The following NDST3 variants were observed in gnomAD, a reference collection of about 807,000 sequenced individuals.
The protein encoded by NDST3 is N-deacetylase and N-sulfotransferase 3.
Under a neutral mutation model 96.1 loss-of-function variants are expected in NDST3, and 58 were observed. That is an observed-to-expected ratio of 0.60 (90% CI 0.49 to 0.75). NDST3 has a LOEUF of 0.75. NDST3 is among the 30% of genes least tolerant of loss of function. The pLI is 0.00. For missense variants in NDST3, 788 were observed against 1,034.2 expected (o/e 0.76, Z 3.27); for synonymous variants, 333 against 359.7 (o/e 0.93, Z 0.84).
intron 6 of NDST3, among the ~76,000 whole-genome samples, chr4:118,160,819 C>T (rs1426986082): frequency 2.0e-5 from 3 of 152,070 alleles, no homozygotes; most frequent in Non-Finnish European, 2.9e-5. Context: ...GTTTGAATTT[C>T]CTCCTGTAGC....
intron 8 of NDST3, among the ~76,000 whole-genome samples, chr4:118,227,570 C>A (rs1033803614): frequency 1.3e-5 from 2 of 149,880 alleles, no homozygotes; most frequent in Non-Finnish European, 3.0e-5. Context: ...AATTGATGTG[C>A]AATTTTTTTC....
intron 2 of NDST3, among the ~76,000 whole-genome samples, chr4:118,067,668 C>A (rs1726704277): frequency 6.6e-6 from 1 of 152,092 alleles, no homozygotes; most frequent in Non-Finnish European, 1.5e-5. Flanking sequence ...GTTCATCAAA[C>A]TTCAGAATAG....
At position 118,194,047 on chromosome 4, in the gene NDST3, A is replaced by C. The variant is rs551220846; in HGVS notation, c.1540-30444A>C. On this transcript the variant is annotated intron_variant, in intron 6 of 13. Coordinates refer to ENST00000296499, the MANE Select transcript of NDST3 (RefSeq NM_004784.3). ...TTTCAAAACTCTTGAGGTGTAATTC[A>C]TATTTCAGCTAGGCATTTGGTGGGA... 2.8e-6 allele frequency: 4 copies of C among 1,434,404 alleles called. No individual in the cohort carries two copies. The Admixed American group carries it at 6.7e-5, about 24-fold the overall frequency. 88.9% of individuals were successfully genotyped at this position (1,434,404 alleles called of 1,614,324 possible).
chr4:118,036,143 G>A (rs1025015541), intron 1 of NDST3, among the ~76,000 whole-genome samples: 1 of 151,920 alleles, frequency 6.6e-6, no homozygotes, highest in Admixed American at 6.6e-5. Context: ...ATGTAAATAT[G>A]TAATTGTCTA....
intron 1 of NDST3, among the ~76,000 whole-genome samples, chr4:118,049,278 T>C (rs1259069069): frequency 6.6e-6 from 1 of 151,778 alleles, no homozygotes; most frequent in African/African-American, 2.4e-5. Context: ...GTTAGAAAGA[T>C]CTCAAATTAA....
chr4:118,049,166 T>G (rs1263729915), intron 1 of NDST3, among the ~76,000 whole-genome samples: 1 of 152,096 alleles, frequency 6.6e-6, no homozygotes, highest in Non-Finnish European at 1.5e-5. Context: ...AAAAATTCTT[T>G]GAAATTAATG....
At chr4:118,254,141 A>T (rs1246988179) in intron 13 of NDST3, among the ~76,000 whole-genome samples, 1 of 151,582 alleles carries the variant, frequency 6.6e-6, no homozygotes, top group Admixed American at 6.6e-5. Flanking sequence ...ACTACTCAGG[A>T]GGCTGAGGCA....
At chr4:118,137,282 A>G (rs1733184348) in intron 4 of NDST3, among the ~76,000 whole-genome samples, 1 of 152,204 alleles carries the variant, frequency 6.6e-6, no homozygotes, top group South Asian at 2.1e-4. Context: ...CAACTACTGA[A>G]GCCATGGGTG....
rs143550209 is a variant in NDST3, at chr4:118,236,083, T to C, written c.1944-963T>C. ...GAATATTAATGACTTTTTTATTCAG[T>C]AATTATTGAACTACCTTGTCTTGGT... On this transcript the variant is annotated intron_variant, in intron 9 of 13. Transcript: ENST00000296499. Among the ~76,000 whole-genome samples the C allele has an allele frequency of 7.4e-4, 112 of 152,330 alleles. No individual in the cohort carries two copies. The East Asian group carries it at 0.017, about 23-fold the overall frequency.
chr4:118,066,398 A>ATATATCATATATCATATGTTATATAT, intron 2 of NDST3, among the ~76,000 whole-genome samples: 1 of 80,302 alleles, frequency 1.2e-5, no homozygotes, highest in East Asian at 3.4e-4. Flanking sequence ...GTTATATATT[A>ATATATCATATATCATATGTTATATAT]TATATCATAT....
chr4:118,153,032 C>A (rs1441273008), intron 6 of NDST3, among the ~76,000 whole-genome samples: 1 of 152,212 alleles, frequency 6.6e-6, no homozygotes, highest in African/African-American at 2.4e-5. Flanking sequence ...TACCTGAGAA[C>A]CATCCTTCCA....
At chr4:118,108,744 C>T (rs1302782508) in intron 3 of NDST3, among the ~76,000 whole-genome samples, 1 of 152,028 alleles carries the variant, frequency 6.6e-6, no homozygotes, top group Non-Finnish European at 1.5e-5. Context: ...AATCATACAA[C>T]TACATATAAC....
intron 13 of NDST3, among the ~76,000 whole-genome samples, chr4:118,255,382 A>ACC (rs1215554471): frequency 6.6e-6 from 1 of 152,148 alleles, no homozygotes; most frequent in East Asian, 1.9e-4. Flanking sequence ...CAGTACTGTC[A>ACC]CCACACCTTT....
chr4:118,114,129 A>G (rs932653274), intron 3 of NDST3, among the ~76,000 whole-genome samples: 1 of 152,034 alleles, frequency 6.6e-6, no homozygotes, highest in African/African-American at 2.4e-5. Flanking sequence ...TCTTCCAACA[A>G]CTTGAGAGAA....
intron 6 of NDST3, among the ~76,000 whole-genome samples, chr4:118,195,247 G>A (rs1737593386): frequency 6.6e-6 from 1 of 152,072 alleles, no homozygotes; most frequent in African/African-American, 2.4e-5. Flanking sequence ...ATATGGTTTG[G>A]CTGTGTCCCT....
chr4:118,098,450 C>A (rs1327888407), intron 2 of NDST3, among the ~76,000 whole-genome samples: 1 of 151,964 alleles, frequency 6.6e-6, no homozygotes, highest in Non-Finnish European at 1.5e-5. Flanking sequence ...ATATGCATAA[C>A]AATTTCAAGT....
intron 2 of NDST3, among the ~76,000 whole-genome samples, chr4:118,077,342 G>A (rs751973262): frequency 2.6e-5 from 4 of 152,206 alleles, no homozygotes; most frequent in Admixed American, 6.5e-5. Context: ...CTCTGCCTTC[G>A]TTTTCACAGA....
At chr4:118,194,614 G>C in intron 6 of NDST3, 1 of 719,246 alleles carries the variant, frequency 1.4e-6, no homozygotes, top group Non-Finnish European at 2.6e-6. Context: ...CCCCAATCAT[G>C]GGCATCTCTG....
intron 4 of NDST3, among the ~76,000 whole-genome samples, chr4:118,127,692 T>C (rs888071555): frequency 6.6e-6 from 1 of 152,058 alleles, no homozygotes; most frequent in Non-Finnish European, 1.5e-5. Context: ...TGTGGTTCCA[T>C]ATAAATTTTT....
Sources: allele counts gnomAD v4.1 joint callset (sites outside exome capture counted in the v4.1 genomes callset), GRCh38; gene constraint gnomAD v4.1.1; transcripts MANE v1.5; gene names NCBI Gene and HGNC (gene_info 2026-07-23, HGNC 2026-07-21).